Variants in TUSC3 observed in about 807,000 individuals in gnomAD.
TUSC3 encodes the protein dolichyl-diphosphooligosaccharide--protein glycosyltransferase subunit TUSC3.
Under a neutral mutation model 44.8 loss-of-function variants are expected in TUSC3, and 45 were observed. The ratio of observed to expected loss-of-function variants is 1.00; its 90% CI spans 0.79 to 1.29. The LOEUF is 1.29. TUSC3 is among the 50% of genes most tolerant of loss of function. TUSC3 has a pLI of 0.00. For missense variants in TUSC3, 519 were observed against 437.9 expected (o/e 1.19, Z -1.65); for synonymous variants, 212 against 152.9 (o/e 1.39, Z -2.85).
chr8:15,734,645 T>A (rs182994634), intron 7 of TUSC3, among the ~76,000 whole-genome samples: 1 of 152,324 alleles, frequency 6.6e-6, no homozygotes, highest in East Asian at 1.9e-4. Flanking sequence ...AAAATACTTA[T>A]AATACAGTGA....
intron 2 of TUSC3, among the ~76,000 whole-genome samples, chr8:15,526,600 C>T (rs1193580032): frequency 5.9e-5 from 9 of 152,246 alleles, no homozygotes; most frequent in Non-Finnish European, 1.2e-4. Flanking sequence ...TCTTGGCTCT[C>T]ATTCTCTCGT....
chr8:15,695,589 G>C (rs1032064799), intron 6 of TUSC3, among the ~76,000 whole-genome samples: 1 of 152,196 alleles, frequency 6.6e-6, no homozygotes, highest in African/African-American at 2.4e-5. Context: ...TTTGGAACTT[G>C]GTAACAGGCA....
intron 2 of TUSC3, among the ~76,000 whole-genome samples, chr8:15,631,294 A>G (rs1434035398): frequency 6.6e-6 from 1 of 152,182 alleles, no homozygotes; most frequent in Non-Finnish European, 1.5e-5. Flanking sequence ...CTTTCTTCCT[A>G]GGTGTCTCTT....
chr8:15,650,877 T>C lies in TUSC3; in HGVS notation c.426+63T>C. On this transcript the variant is annotated intron_variant, in intron 3 of 10. Transcript: ENST00000503731. ...TGTTTGTGGTCGATACATTTTTGTT[T>C]GTCACATAAAAATACAATTCATTCA... The C allele has an allele frequency of 3.9e-6, 6 of 1,538,188 alleles. No homozygotes were observed. In the South Asian group the frequency reaches 5.6e-5, roughly 14 times the overall value.
At chr8:15,781,387 ACACAG>A in the TUSC3 span, among the ~76,000 whole-genome samples, 2 of 152,186 alleles carry the variant, frequency 1.3e-5, no homozygotes, top group Non-Finnish European at 2.9e-5. Flanking sequence ...CGTAAAACAA[ACACAG>A]CAGTTTGGAC....
At chr8:15,672,324 A>G (rs112763353) in intron 5 of TUSC3, among the ~76,000 whole-genome samples, 18 of 152,174 alleles carry the variant, frequency 1.2e-4, no homozygotes, top group African/African-American at 4.1e-4. Context: ...ATTGATACCA[A>G]TATTATCCTC....
chr8:15,423,794 C>G (rs1328901425), intron 1 of TUSC3, among the ~76,000 whole-genome samples: 1 of 151,910 alleles, frequency 6.6e-6, no homozygotes, highest in Non-Finnish European at 1.5e-5. Flanking sequence ...GTCCTGATAT[C>G]CATAAACCTG....
the TUSC3 span, among the ~76,000 whole-genome samples, chr8:15,835,328 T>G: frequency 1.3e-5 from 2 of 152,062 alleles, no homozygotes; most frequent in Non-Finnish European, 1.5e-5. Context: ...GAATTTATGC[T>G]TTTTCTCCTT....
chr8:15,516,597 C>T (rs773065930), intron 2 of TUSC3, among the ~76,000 whole-genome samples: 3 of 152,136 alleles, frequency 2.0e-5, no homozygotes, highest in African/African-American at 4.8e-5. Context: ...TTGGCCCCTC[C>T]TCGAAATGCT....
At chr8:15,617,140 T>TGTGTGTGTGTGTGTGTGTGTGTGTGTGTA (rs1563136021) in intron 1 of TUSC3, among the ~76,000 whole-genome samples, 2 of 8,124 alleles carry the variant, frequency 2.5e-4, no homozygotes, top group African/African-American at 4.0e-4. Flanking sequence ...GTGTATATAT[T>TGTGTGTGTGTGTGTGTGTGTGTGTGTGTA]TTTTTTTTTT....
intron 10 of TUSC3, among the ~76,000 whole-genome samples, chr8:15,759,074 C>G (rs1294125323): frequency 6.6e-6 from 1 of 152,108 alleles, no homozygotes; most frequent in African/African-American, 2.4e-5. Flanking sequence ...TCATAGAACA[C>G]ATGTGAATGT....
chr8:15,783,025 A>G, the TUSC3 span, among the ~76,000 whole-genome samples: 1 of 152,238 alleles, frequency 6.6e-6, no homozygotes, highest in Non-Finnish European at 1.5e-5. Flanking sequence ...TGTAGGATAT[A>G]TATCAATATA....
At chr8:15,448,117 A>ACATATATATATATATATATATATATATT (rs1800132936) in intron 1 of TUSC3, among the ~76,000 whole-genome samples, 1 of 93,780 alleles carries the variant, frequency 1.1e-5, no homozygotes, top group African/African-American at 4.2e-5. Context: ...ACATATATAT[A>ACATATATATATATATATATATATATATT]TATTTATTTA....
chr8:15,805,467 T>G, the TUSC3 span, among the ~76,000 whole-genome samples: 1 of 152,186 alleles, frequency 6.6e-6, no homozygotes, highest in Admixed American at 6.5e-5. Flanking sequence ...GGCTCTGGGT[T>G]TGTCATAGAT....
chr8:15,758,109 C>G, intron 10 of TUSC3: 2 of 1,233,610 alleles, frequency 1.6e-6, no homozygotes, highest in Non-Finnish European at 2.0e-6. Context: ...TGCTTCCACC[C>G]CCAACAAATA....
the TUSC3 span, chr8:15,807,053 A>C: frequency 1.4e-6 from 2 of 1,415,806 alleles, no homozygotes; most frequent in East Asian, 2.3e-5. Context: ...CGGCGATGTG[A>C]TCTAACAAAT....
intron 6 of TUSC3, among the ~76,000 whole-genome samples, chr8:15,678,689 G>C (rs183327332): frequency 6.6e-5 from 10 of 152,268 alleles, no homozygotes; most frequent in African/African-American, 2.4e-4. Flanking sequence ...TGTGCAGGTT[G>C]TTACAAGAGT....
At chr8:15,682,749 T>C (rs764417038) in intron 6 of TUSC3, among the ~76,000 whole-genome samples, 1 of 152,160 alleles carries the variant, frequency 6.6e-6, no homozygotes, top group African/African-American at 2.4e-5. Context: ...CTCTGGGCCA[T>C]GTGCTTATGT....
At chr8:15,537,284 A>C (rs899668691), upstream of TUSC3, among the ~76,000 whole-genome samples, 1 of 152,186 alleles carries the variant, frequency 6.6e-6, no homozygotes, top group African/African-American at 2.4e-5. Flanking sequence ...GAAAATGTTT[A>C]ATTTTATCCA....
Sources: gnomAD v4.1 joint callset for allele counts (sites outside exome capture counted in the v4.1 genomes callset) on GRCh38, gnomAD v4.1.1 for gene constraint, MANE v1.5 for transcripts, NCBI Gene and HGNC (gene_info 2026-07-23, HGNC 2026-07-21) for gene names.